The following ATAD2B variants were observed in gnomAD, a reference collection of about 807,000 sequenced individuals.
The protein encoded by ATAD2B is ATPase family AAA domain-containing protein 2B.
A neutral mutation model predicts 167.6 loss-of-function variants in ATAD2B; 40 were observed. The observed-to-expected ratio is 0.24, with a 90% confidence interval of 0.19 to 0.31. ATAD2B has a LOEUF of 0.31. Ranked by LOEUF, ATAD2B falls within the 10% of genes least tolerant of loss-of-function variation. The pLI, the probability that ATAD2B is intolerant of heterozygous loss-of-function variation, is 1.00. For missense variants in ATAD2B, 1,242 were observed against 1,757.2 expected (o/e 0.71, Z 5.24); for synonymous variants, 579 against 596.5 (o/e 0.97, Z 0.43).
intron 1 of ATAD2B, among the ~76,000 whole-genome samples, chr2:23,915,518 T>C (rs578107570): frequency 1.2e-4 from 18 of 149,110 alleles, no homozygotes; most frequent in Non-Finnish European, 2.1e-4. Flanking sequence ...ACTCAAGCCA[T>C]CCTTCCCTGC....
At chr2:23,873,984 C>T (rs1211655699) in intron 8 of ATAD2B, among the ~76,000 whole-genome samples, 2 of 151,428 alleles carry the variant, frequency 1.3e-5, no homozygotes, top group Non-Finnish European at 1.5e-5. Flanking sequence ...GTCAGAAGTT[C>T]GAGACCAGCC....
At chr2:23,697,158 G>A in the ATAD2B span, 3 of 152,460 alleles carry the variant, frequency 2.0e-5, no homozygotes, top group Non-Finnish European at 4.4e-5. Context: ...CCCTCCGCTG[G>A]GAGTCCCAGC....
At chr2:23,908,885 GAAAA>G (rs754057659) in intron 1 of ATAD2B, among the ~76,000 whole-genome samples, 1 of 138,984 alleles carries the variant, frequency 7.2e-6, no homozygotes. Context: ...ACTATCGCAA[GAAAA>G]AAAAAAACAA....
At chr2:23,784,368 C>A (rs947972278) in intron 21 of ATAD2B, among the ~76,000 whole-genome samples, 2 of 151,848 alleles carry the variant, frequency 1.3e-5, no homozygotes, top group Non-Finnish European at 2.9e-5. Flanking sequence ...CTTGTTTTCC[C>A]CTCTCTATCC....
the ATAD2B span, among the ~76,000 whole-genome samples, chr2:23,686,144 AG>A: frequency 1.8e-5 from 2 of 112,826 alleles, no homozygotes; most frequent in Non-Finnish European, 3.6e-5. Flanking sequence ...TGAGTGGGGA[AG>A]GGCAGGGTGG....
At chr2:23,701,194 C>CTCCTTTAGCGCCAGCATCTCA in the ATAD2B span, among the ~76,000 whole-genome samples, 130,647 of 151,966 alleles carry the variant, frequency 0.86, 57,444 homozygotes, top group East Asian at 1. Flanking sequence ...TGGCAACTAT[C>CTCCTTTAGCGCCAGCATCTCA]TCAATGAGCA....
chr2:23,853,764 G>C (rs190633379), intron 13 of ATAD2B, among the ~76,000 whole-genome samples: 1 of 152,152 alleles, frequency 6.6e-6, no homozygotes. Flanking sequence ...GAACAAATTT[G>C]GAGGACTTAT....
At chr2:23,920,078 G>A (rs1289399777) in intron 1 of ATAD2B, among the ~76,000 whole-genome samples, 18 of 150,952 alleles carry the variant, frequency 1.2e-4, no homozygotes, top group Admixed American at 8.6e-4. Context: ...TGGAACCCGC[G>A]AAGCGGAGGT....
intron 2 of ATAD2B, among the ~76,000 whole-genome samples, chr2:23,889,671 G>C (rs144744495): frequency 6.6e-6 from 1 of 151,454 alleles, no homozygotes; most frequent in Admixed American, 6.6e-5. Flanking sequence ...TATAATCCCA[G>C]CACTTTGAGA....
chr2:23,798,419 T>G, intron 18 of ATAD2B, 96 bp from the exon 19 acceptor site: 1 of 942,632 alleles, frequency 1.1e-6, no homozygotes, highest in Non-Finnish European at 1.5e-6. Context: ...TCAGGCCTAT[T>G]ATGGTCATTA....
chr2:23,879,658 AAAG>A (rs1187150453), intron 7 of ATAD2B, among the ~76,000 whole-genome samples: 1 of 152,164 alleles, frequency 6.6e-6, no homozygotes, highest in African/African-American at 2.4e-5. Context: ...GCCAGCAAAA[AAAG>A]AAAAAGAAAA....
chr2:23,864,939 G>T lies in ATAD2B; in HGVS notation c.1189-15C>A. On this transcript the variant is annotated splice_polypyrimidine_tract_variant and intron_variant, in intron 10 of 27. Transcript: ENST00000238789. Reference sequence around the variant, plus strand: ...TCAAACCGTACCTTGGAAAGAAGGGGAAAAATTTGATATCAAACAATTTTA... The same window carrying T: ...TCAAACCGTACCTTGGAAAGAAGGGTAAAAATTTGATATCAAACAATTTTA... 1 of 1,437,390 alleles carries T rather than the reference G, an allele frequency of 7.0e-7. No individual in the cohort carries two copies. The highest frequency in any genetic ancestry group is 1.4e-5 in the South Asian group (1 of 70,218). The allele number at this position is 1,437,390 out of a possible 1,614,324, so 89.0% of individuals were successfully genotyped here. A position where few individuals can be genotyped will look rare whatever the true frequency, so the allele number is the denominator to read the frequency against.
chr2:23,818,096 TAC>T (rs70941591), intron 17 of ATAD2B, among the ~76,000 whole-genome samples: 1,900 of 139,500 alleles, frequency 0.014, 59 homozygotes, highest in Middle Eastern at 0.042. Flanking sequence ...ACACACACAT[TAC>T]ACACACACAC....
the ATAD2B span, among the ~76,000 whole-genome samples, chr2:23,728,166 G>A: frequency 1.3e-5 from 2 of 152,040 alleles, no homozygotes; most frequent in East Asian, 1.9e-4. Context: ...AGTGGGAGAC[G>A]AGATGTAAGG....
At chr2:23,723,698 C>A in the ATAD2B span, among the ~76,000 whole-genome samples, 113 of 152,228 alleles carry the variant, frequency 7.4e-4, no homozygotes, top group African/African-American at 2.6e-3. Flanking sequence ...CTATGGAGAA[C>A]AGTATGGAGG....
chr2:23,760,828 G>C (rs1323228295), intron 24 of ATAD2B, among the ~76,000 whole-genome samples: 2 of 151,170 alleles, frequency 1.3e-5, no homozygotes, highest in African/African-American at 2.4e-5. Flanking sequence ...ACGATCTTTA[G>C]AGTCAATTTT....
At chr2:23,777,719 T>C (rs1410564348) in intron 22 of ATAD2B, among the ~76,000 whole-genome samples, 2 of 152,116 alleles carry the variant, frequency 1.3e-5, no homozygotes, top group Middle Eastern at 3.4e-3. Flanking sequence ...CTGGGGGATA[T>C]AGGAGGGGTG....
At chr2:23,829,229 C>T (rs1688687129) in intron 14 of ATAD2B, among the ~76,000 whole-genome samples, 1 of 152,158 alleles carries the variant, frequency 6.6e-6, no homozygotes, top group Non-Finnish European at 1.5e-5. Context: ...AACTAAGTGA[C>T]TCATCTGGGA....
chr2:23,874,064 G>A (rs977938436), intron 8 of ATAD2B, among the ~76,000 whole-genome samples: 37 of 152,166 alleles, frequency 2.4e-4, no homozygotes, highest in African/African-American at 8.7e-4. Context: ...GTGTATGCCT[G>A]TAACCCCAGC....
Sources: allele counts gnomAD v4.1 joint callset (sites outside exome capture counted in the v4.1 genomes callset), GRCh38; gene constraint gnomAD v4.1.1; transcripts MANE v1.5; gene names NCBI Gene and HGNC (gene_info 2026-07-23, HGNC 2026-07-21).